The following RFX2 variants were observed in gnomAD, a reference collection of about 807,000 sequenced individuals.
The protein encoded by RFX2 is DNA-binding protein RFX2.
A neutral mutation model predicts 87.8 loss-of-function variants in RFX2; 20 were observed. The observed-to-expected ratio is 0.23, with a 90% confidence interval of 0.16 to 0.33. RFX2 has a LOEUF of 0.33. RFX2 is among the 10% of genes least tolerant of loss of function. RFX2 has a pLI of 1.00. For missense variants in RFX2, 767 were observed against 1,012.3 expected, an observed-to-expected ratio of 0.76 and a Z score of 3.29; for synonymous variants, 397 against 431.3, an observed-to-expected ratio of 0.92 and a Z score of 0.98.
chr19:6,071,653 G>A lies in RFX2; in HGVS notation c.-8-24149C>T, dbSNP rs540263005. Among the ~76,000 whole-genome samples, 7 of 152,272 alleles carry A rather than the reference G, an allele frequency of 4.6e-5. No homozygotes were observed. In the South Asian group the frequency reaches 6.2e-4, roughly 14 times the overall value. On this transcript the variant is annotated intron_variant, in intron 1 of 17. Transcript: ENST00000303657. Reference sequence around the variant, plus strand: ...ACCCCAAAGCAAAACCTCAGTGTGCGCTGAGAAGATGCAGCAAAAGGGTCT... The same window carrying A: ...ACCCCAAAGCAAAACCTCAGTGTGCACTGAGAAGATGCAGCAAAAGGGTCT...
chr19:6,043,635 T>C (rs1214376121), intron 3 of RFX2, among the ~76,000 whole-genome samples: 1 of 152,210 alleles, frequency 6.6e-6, no homozygotes, highest in Non-Finnish European at 1.5e-5. Flanking sequence ...CAGAATTGAG[T>C]GGTTGTTCCA....
rs1167697679 is a variant in RFX2 at position 6,011,438 on chromosome 19, T to C, written c.900-1187A>G. 6.6e-6 allele frequency among the ~76,000 whole-genome samples: 1 copy of C among 152,188 alleles called. No homozygotes were observed. The highest frequency in any genetic ancestry group is 1.5e-5 in the Non-Finnish European group (1 of 68,032). On this transcript the variant is annotated intron_variant, in intron 8 of 17. Transcript: ENST00000303657. The surrounding 1 kb of genome is among the most constrained non-coding windows in gnomAD (Gnocchi z 4.8). ...CCTACAGGGAGGCGGGAGACCATGC[T>C]GGCGAGGTGTGTGTAAACCACCTGG...
chr19:6,048,060 C>T (rs1170563286), intron 1 of RFX2, among the ~76,000 whole-genome samples: 1 of 152,212 alleles, frequency 6.6e-6, no homozygotes, highest in South Asian at 2.1e-4. Flanking sequence ...ATGCCAGGAG[C>T]GCCCCCTCCC....
chr19:6,046,742 G>A (rs1221273241), intron 2 of RFX2, among the ~76,000 whole-genome samples: 9 of 150,316 alleles, frequency 6.0e-5, no homozygotes, highest in Non-Finnish European at 7.4e-5. Context: ...ACCACAGGAC[G>A]TGCACCACTA....
At position 6,001,768 on chromosome 19, in the gene RFX2, G is replaced by A; in HGVS notation, c.1859+47C>T. Reference sequence around the variant, plus strand: ...CCCTACCCTCTAGAAGTTTCTCTCAGAGCCCCCCACCCGCCAGAATTCTCT... The same window carrying A: ...CCCTACCCTCTAGAAGTTTCTCTCAAAGCCCCCCACCCGCCAGAATTCTCT... On this transcript the variant is annotated intron_variant, in intron 15 of 17. Coordinates refer to ENST00000303657, the MANE Select transcript of RFX2 (RefSeq NM_000635.4). This position sits in a 1 kb window ranked among gnomAD's most constrained non-coding sequence, Gnocchi z 5.6. The A allele has an allele frequency of 6.6e-7, 1 of 1,514,388 alleles. No homozygotes were observed. Among genetic ancestry groups the A allele is most frequent in the Admixed American group, 2.0e-5 (1 of 51,242 alleles). 93.8% of individuals were successfully genotyped at this position (1,514,388 alleles called of 1,614,324 possible). A position where few individuals can be genotyped will look rare whatever the true frequency, so the allele number is the denominator to read the frequency against.
At chr19:6,041,859 A>G (rs2087112446) in intron 4 of RFX2, among the ~76,000 whole-genome samples, 185 bp downstream of exon 4, 1 of 152,052 alleles carries the variant, frequency 6.6e-6, no homozygotes, top group African/African-American at 2.4e-5. Flanking sequence ...ACTTGTCACC[A>G]TGTCTGGCTA....
In RFX2 at chr19:6,010,114, C is replaced by T. The variant is rs374641964; in HGVS notation, c.1015+22G>A. 3.1e-4 allele frequency: 459 copies of T among 1,475,278 alleles called. 1 individual carries two copies. The highest frequency in any genetic ancestry group is 3.9e-4 in the Non-Finnish European group (424 of 1,082,436). The allele number at this position is 1,475,278 out of a possible 1,614,324, so 91.4% of individuals were successfully genotyped here. On this transcript the variant is annotated intron_variant, in intron 9 of 17. Transcript: ENST00000303657. The surrounding 1 kb of genome is among the most constrained non-coding windows in gnomAD (Gnocchi z 5.0). ...GGCGAGCAGATGGGAGCCCCGCCCC[C>T]GGGCCTGACCGGGCCTCTCACCTAT...
rs1352289473 is a variant in RFX2, at chr19:5,993,683, C to T, written c.*1152G>A. The T allele has an allele frequency of 6.6e-6, 1 of 152,242 alleles. No individual in the cohort carries two copies. The highest frequency in any genetic ancestry group is 6.5e-5 in the Admixed American group (1 of 15,284). 9.4% of individuals were successfully genotyped at this position (152,242 alleles called of 1,614,324 possible). ...TGCAGTTGGTTTGGGGACAGAACTC[C>T]AGCACGCAGCTGTCCAACTGCAGCG... On this transcript the variant is annotated 3_prime_UTR_variant, in exon 18 of 18. Coordinates refer to ENST00000303657, the MANE Select transcript of RFX2 (RefSeq NM_000635.4).
intron 7 of RFX2, among the ~76,000 whole-genome samples, chr19:6,014,935 C>T (rs2086705493): frequency 6.6e-6 from 1 of 152,210 alleles, no homozygotes; most frequent in South Asian, 2.1e-4. Flanking sequence ...TGCCAAGCCT[C>T]GCTGGCCACA....
Position 5,999,340 on chromosome 19 carries a change from G to T in RFX2, c.1860-2127C>A, listed in dbSNP as rs575315471. ...ACCCCCACCTTGCAGACGTGACCCC[G>T]ATCCCCTCCAGCTCTGAGCTGTGCT... On this transcript the variant is annotated intron_variant, in intron 15 of 17. Coordinates refer to ENST00000303657, the MANE Select transcript of RFX2 (RefSeq NM_000635.4). This position sits in a 1 kb window ranked among gnomAD's most constrained non-coding sequence, Gnocchi z 4.1. 6.6e-6 allele frequency among the ~76,000 whole-genome samples: 1 copy of T among 152,200 alleles called. No homozygotes were observed. Among genetic ancestry groups the T allele is most frequent in the South Asian group, 2.1e-4 (1 of 4,800 alleles).
Position 6,017,903 on chromosome 19 carries a change from T to TGTCTGTTTGCCC in RFX2, c.598-1644_598-1633dup, listed in dbSNP as rs2086752145. On this transcript the variant is annotated intron_variant, in intron 6 of 17. Coordinates refer to ENST00000303657, the MANE Select transcript of RFX2 (RefSeq NM_000635.4). The surrounding 1 kb of genome is among the most constrained non-coding windows in gnomAD (Gnocchi z 4.1). ...CCCCCGCCCCACTGTCACGTTTGCC[T>TGTCTGTTTGCCC]GTCTGTTTGCCCCATCCCCACCCCC... 8.3e-6 allele frequency among the ~76,000 whole-genome samples: 1 copy of TGTCTGTTTGCCC among 120,212 alleles called. No homozygotes were observed. The highest frequency in any genetic ancestry group is 2.9e-4 in the South Asian group (1 of 3,396). The allele number at this position is 120,212 out of a possible 152,430, so 78.9% of individuals were successfully genotyped here.
Position 5,994,353 on chromosome 19 carries a change from G to A in RFX2, c.*482C>T, listed in dbSNP as rs999040641. 2 of 154,544 alleles carry A rather than the reference G, an allele frequency of 1.3e-5. No individual in the cohort carries two copies. Among genetic ancestry groups the A allele is most frequent in the South Asian group, 2.0e-4 (1 of 5,002 alleles). 9.6% of individuals were successfully genotyped at this position (154,544 alleles called of 1,614,324 possible). ...CTGAGGGGACTCCAGGGACGCTGGC[G>A]AGCTCTGTGCCTCCCCAGCGGTGGC... On this transcript the variant is annotated 3_prime_UTR_variant, in exon 18 of 18. Coordinates refer to ENST00000303657, the MANE Select transcript of RFX2 (RefSeq NM_000635.4).
chr19:6,048,214 C>A (rs906593607), intron 1 of RFX2, among the ~76,000 whole-genome samples: 1 of 152,214 alleles, frequency 6.6e-6, no homozygotes, highest in Admixed American at 6.5e-5. Context: ...GGATAAAAGT[C>A]CTCACGAATT....
intron 1 of RFX2, among the ~76,000 whole-genome samples, chr19:6,076,679 TG>T (rs2087697680): frequency 6.6e-6 from 1 of 152,230 alleles, no homozygotes; most frequent in Non-Finnish European, 1.5e-5. Flanking sequence ...GCGTCATCGT[TG>T]TAATTCACAC....
At chr19:6,003,322 C>T (rs1448441381) in intron 13 of RFX2, among the ~76,000 whole-genome samples, 3 of 152,254 alleles carry the variant, frequency 2.0e-5, no homozygotes, top group Non-Finnish European at 4.4e-5. Flanking sequence ...GTCTCTGTCT[C>T]CCAAAGTGCT....
At chr19:6,034,714 T>G (rs1424344546) in intron 5 of RFX2, among the ~76,000 whole-genome samples, 1 of 152,126 alleles carries the variant, frequency 6.6e-6, no homozygotes, top group African/African-American at 2.4e-5. Context: ...AGAAGAGATG[T>G]GTGTGACTCC....
At chr19:6,105,150 G>GAA (rs2088195121) in intron 1 of RFX2, among the ~76,000 whole-genome samples, 1 of 151,424 alleles carries the variant, frequency 6.6e-6, no homozygotes, top group Non-Finnish European at 1.5e-5. Context: ...TAATAAAACA[G>GAA]AAGTTCCTGC....
chr19:6,018,168 G>A (rs1174436961), intron 6 of RFX2, among the ~76,000 whole-genome samples: 1 of 152,102 alleles, frequency 6.6e-6, no homozygotes, highest in East Asian at 1.9e-4. Context: ...TAGTAGAGAT[G>A]GGATTTTGCC....
chr19:6,006,228 A>G (rs1162696042), intron 12 of RFX2, among the ~76,000 whole-genome samples: 2 of 151,986 alleles, frequency 1.3e-5, no homozygotes, highest in African/African-American at 4.8e-5. Flanking sequence ...TGGTGCGATC[A>G]TAGCTTACTG....
Sources: allele counts gnomAD v4.1 joint callset (sites outside exome capture counted in the v4.1 genomes callset), GRCh38; gene constraint gnomAD v4.1.1; non-coding constraint Gnocchi (gnomAD v3.1); transcripts MANE v1.5; gene names NCBI Gene and HGNC (gene_info 2026-07-23, HGNC 2026-07-21).